Variants in NKAIN3 observed in about 807,000 individuals in gnomAD.
The protein encoded by NKAIN3 is sodium/potassium transporting ATPase interacting 3.
A neutral mutation model predicts 30.2 loss-of-function variants in NKAIN3; 25 were observed. The ratio of observed to expected loss-of-function variants is 0.83; its 90% CI spans 0.60 to 1.16. NKAIN3 has a LOEUF of 1.16. NKAIN3 is among the 50% of genes most tolerant of loss of function. The pLI, the probability that NKAIN3 is intolerant of heterozygous loss-of-function variation, is 0.00. For missense variants in NKAIN3, 225 were observed against 254.1 expected (o/e 0.89, Z 0.78); for synonymous variants, 91 against 89.6 (o/e 1.02, Z -0.09).
intron 4 of NKAIN3, among the ~76,000 whole-genome samples, chr8:62,824,491 A>AACACAC (rs6150612): frequency 3.3e-4 from 49 of 148,722 alleles, no homozygotes; most frequent in East Asian, 1.4e-3. Flanking sequence ...CCACCTCTTC[A>AACACAC]ACACACACAC....
rs1563942169 is a variant in NKAIN3, at chr8:62,345,318, CATATATACACATATATGTAT to C, written c.54+96197_54+96216del. ...ACACATATATATGTATATATACACA[CATATATACACATATATGTAT>C]ATATACACACATATACACATATATG... On this transcript the variant is annotated intron_variant, in intron 1 of 6. Transcript: ENST00000623646. 2.0e-4 allele frequency among the ~76,000 whole-genome samples: 12 copies of C among 59,056 alleles called. 1 individual carries two copies. Among genetic ancestry groups the C allele is most frequent in the African/African-American group, 2.0e-4 (4 of 20,020 alleles). The allele number at this position is 59,056 out of a possible 152,430, so 38.7% of individuals were successfully genotyped here.
At chr8:62,876,807 A>C (rs1230350562) in intron 4 of NKAIN3, among the ~76,000 whole-genome samples, 1 of 151,772 alleles carries the variant, frequency 6.6e-6, no homozygotes, top group South Asian at 2.1e-4. Context: ...ACCAGGGCCT[A>C]TTGAGGGGTG....
At chr8:62,928,194 A>C (rs1367560659) in intron 5 of NKAIN3, among the ~76,000 whole-genome samples, 3 of 152,194 alleles carry the variant, frequency 2.0e-5, no homozygotes, top group Non-Finnish European at 4.4e-5. Flanking sequence ...TGGTAAAAGC[A>C]TTTATCTCTC....
chr8:62,528,496 A>T (rs1269867876), intron 1 of NKAIN3, among the ~76,000 whole-genome samples: 1 of 151,490 alleles, frequency 6.6e-6, no homozygotes, highest in East Asian at 1.9e-4. Context: ...TGTAGAATTC[A>T]TGTTATTTGC....
chr8:62,931,867 T>C (rs1822628162), intron 5 of NKAIN3, among the ~76,000 whole-genome samples: 1 of 152,198 alleles, frequency 6.6e-6, no homozygotes, highest in African/African-American at 2.4e-5. Context: ...TTTGTTGATA[T>C]TCCATTTGCT....
At chr8:62,366,884 G>A (rs1426740042) in intron 1 of NKAIN3, among the ~76,000 whole-genome samples, 1 of 151,926 alleles carries the variant, frequency 6.6e-6, no homozygotes, top group Non-Finnish European at 1.5e-5. Flanking sequence ...GTTTTGGTGT[G>A]TAATATTTCC....
chr8:62,753,241 C>T (rs574021256), intron 4 of NKAIN3, among the ~76,000 whole-genome samples: 5 of 151,908 alleles, frequency 3.3e-5, no homozygotes, highest in South Asian at 2.1e-4. Context: ...CACGCACGCA[C>T]GCACAGTATA....
intron 1 of NKAIN3, among the ~76,000 whole-genome samples, chr8:62,474,962 ATAAGT>A (rs1462142200): frequency 1.3e-5 from 2 of 152,200 alleles, no homozygotes; most frequent in African/African-American, 4.8e-5. Context: ...GTAGATCATG[ATAAGT>A]TAAGCATACA....
At chr8:62,961,869 A>G (rs1447403551) in intron 6 of NKAIN3, among the ~76,000 whole-genome samples, 1 of 152,206 alleles carries the variant, frequency 6.6e-6, no homozygotes, top group Non-Finnish European at 1.5e-5. Context: ...GATGAGAAAG[A>G]AATTTCATTA....
At chr8:62,555,987 G>GA (rs958044506) in intron 1 of NKAIN3, among the ~76,000 whole-genome samples, 3 of 151,108 alleles carry the variant, frequency 2.0e-5, no homozygotes, top group South Asian at 2.1e-4. Context: ...ACCTTCAAGT[G>GA]AAAAAAAATG....
intron 4 of NKAIN3, among the ~76,000 whole-genome samples, chr8:62,770,040 G>C (rs1816965838): frequency 6.6e-6 from 1 of 152,172 alleles, no homozygotes. Flanking sequence ...ATATGACAAA[G>C]ATGACATGTC....
chr8:62,500,489 A>G (rs200958309), intron 1 of NKAIN3, among the ~76,000 whole-genome samples: 1,996 of 124,582 alleles, frequency 0.016, 47 homozygotes, highest in East Asian at 0.041. Context: ...AAGAAAGAAG[A>G]AAAGAAAGAA....
At chr8:62,654,732 A>G (rs1235704966) in intron 3 of NKAIN3, among the ~76,000 whole-genome samples, 2 of 152,204 alleles carry the variant, frequency 1.3e-5, no homozygotes, top group East Asian at 1.9e-4. Context: ...AAGATTTTCA[A>G]AAATTTACCA....
intron 1 of NKAIN3, among the ~76,000 whole-genome samples, chr8:62,523,216 A>G (rs1251720024): frequency 6.6e-6 from 1 of 152,154 alleles, no homozygotes; most frequent in Non-Finnish European, 1.5e-5. Context: ...ACAGATTTGT[A>G]TCCTAGGAGC....
chr8:62,489,089 T>C (rs1350813504), intron 1 of NKAIN3, among the ~76,000 whole-genome samples: 1 of 152,142 alleles, frequency 6.6e-6, no homozygotes, highest in Non-Finnish European at 1.5e-5. Context: ...AGATCTTGGC[T>C]CACTGCAAGC....
At chr8:62,257,604 T>C (rs1031353145) in intron 1 of NKAIN3, among the ~76,000 whole-genome samples, 1 of 152,174 alleles carries the variant, frequency 6.6e-6, no homozygotes, top group African/African-American at 2.4e-5. Context: ...CTTACCAAAA[T>C]AGAATTATTT....
chr8:62,314,638 C>T (rs1388519558), intron 1 of NKAIN3, among the ~76,000 whole-genome samples: 6 of 152,130 alleles, frequency 3.9e-5, no homozygotes, highest in Admixed American at 3.3e-4. Context: ...AGATTCTAAG[C>T]ATTAGGTCAC....
intron 4 of NKAIN3, among the ~76,000 whole-genome samples, chr8:62,899,303 T>G (rs1563618232): frequency 6.6e-6 from 1 of 152,170 alleles, no homozygotes; most frequent in Non-Finnish European, 1.5e-5. Context: ...CAGCACTGTT[T>G]ACAATAGGCA....
In NKAIN3 at chr8:62,579,647, A is replaced by G; in HGVS notation, c.163A>G (p.Ile55Val). 6.2e-7 allele frequency: 1 copy of G among 1,601,786 alleles called. No individual in the cohort carries two copies. Among genetic ancestry groups the G allele is most frequent in the African/African-American group, 1.3e-5 (1 of 74,590 alleles). Residue 55 changes from isoleucine (I) to valine (V), a missense_variant, in exon 2 of 7, where the codon ATT becomes GTT. Ile to Val is a conservative substitution (Grantham distance 29, BLOSUM62 3). Coordinates refer to ENST00000623646, the MANE Select transcript of NKAIN3 (RefSeq NM_001304533.3). ...IVVILGLFGT[I>V]QYRPRYIMVY... ...TGTCATATTGGGTTTGTTTGGGACC[A>G]TTCAGTACAGACCTCGATACATAAT...
Sources: allele counts gnomAD v4.1 joint callset (sites outside exome capture counted in the v4.1 genomes callset), GRCh38; gene constraint gnomAD v4.1.1; transcripts MANE v1.5; gene names NCBI Gene and HGNC (gene_info 2026-07-23, HGNC 2026-07-21).